ACOX3: variants seen among roughly 807,000 people sequenced by gnomAD.
ACOX3 encodes the protein acyl-CoA oxidase 3, pristanoyl, also known as peroxisomal acyl-coenzyme A oxidase 3.
Under a neutral mutation model 81.5 loss-of-function variants are expected in ACOX3, and 73 were observed. The ratio of observed to expected loss-of-function variants is 0.90; its 90% CI spans 0.74 to 1.09. The LOEUF (loss-of-function observed/expected upper bound fraction) is 1.09. Ranked by LOEUF, ACOX3 falls within the 50% of genes least tolerant of loss-of-function variation. The pLI is 0.00. For synonymous variants in ACOX3, 387 were observed against 375.1 expected, an observed-to-expected ratio of 1.03 and a Z score of -0.37; for missense variants, 947 against 928.0, an observed-to-expected ratio of 1.02 and a Z score of -0.27.
In ACOX3 at chr4:8,392,328, C is replaced by T. The variant is rs1412924417; in HGVS notation, c.1300+5G>A. 1.3e-6 allele frequency: 2 copies of T among 1,553,792 alleles called. No individual in the cohort carries two copies. The highest frequency in any genetic ancestry group is 2.4e-5 in the East Asian group (1 of 42,298). ...GAAACCACCATGCGCTTCTCCAAAACCTACTGGCCAGATAGCCGTGTCCTC... is the reference window on the plus strand; with the variant it reads ...GAAACCACCATGCGCTTCTCCAAAATCTACTGGCCAGATAGCCGTGTCCTC... On this transcript the variant is annotated splice_donor_5th_base_variant and intron_variant, in intron 11 of 17. Coordinates refer to ENST00000356406, the MANE Select transcript of ACOX3 (RefSeq NM_003501.3).
chr4:8,385,658 C>T lies in ACOX3; in HGVS notation c.1537+3515G>A, dbSNP rs1408359258. Among the ~76,000 whole-genome samples, 1 of 152,214 alleles carries T rather than the reference C, an allele frequency of 6.6e-6. No homozygotes were observed. The stretch of plus-strand genomic sequence containing the variant: ...CAGCCTCCCCTACCCAAGTCAGAAT[C>T]GAACCCCTGAAGGACCCGCCATTGG... On this transcript the variant is annotated intron_variant, in intron 13 of 17. Transcript: ENST00000356406. The surrounding 1 kb of genome is among the most constrained non-coding windows in gnomAD (Gnocchi z 5.5).
chr4:8,391,191 C>T (rs570430011), intron 11 of ACOX3, among the ~76,000 whole-genome samples: 1 of 152,096 alleles, frequency 6.6e-6, no homozygotes. Flanking sequence ...AAGGGCATTG[C>T]GCAGAGGACA....
chr4:8,371,053 A>G (rs1716127222), intron 16 of ACOX3, 59 bp from the exon 17 acceptor site: 1 of 1,525,146 alleles, frequency 6.6e-7, no homozygotes, highest in African/African-American at 1.4e-5. Flanking sequence ...TGGTGACCAA[A>G]GCATAACAGC....
chr4:8,432,141 G>A lies in ACOX3; in HGVS notation c.-15+8507C>T, dbSNP rs922782114. Among the ~76,000 whole-genome samples the A allele has an allele frequency of 2.0e-5, 3 of 152,206 alleles. No individual in the cohort carries two copies. The highest frequency in any genetic ancestry group is 4.4e-5 in the Non-Finnish European group (3 of 68,046). On this transcript the variant is annotated intron_variant, in intron 1 of 17. Coordinates refer to ENST00000356406, the MANE Select transcript of ACOX3 (RefSeq NM_003501.3). The surrounding 1 kb of genome is among the most constrained non-coding windows in gnomAD (Gnocchi z 6.2). Reference sequence around the variant, plus strand: ...CATTAAGTGGTAGGCAGCTGAAAACGGTGTTGGGAAAGAGTTGTGGAACAT... The same window carrying A: ...CATTAAGTGGTAGGCAGCTGAAAACAGTGTTGGGAAAGAGTTGTGGAACAT...
At chr4:8,435,459 G>A (rs541475718) in intron 1 of ACOX3, among the ~76,000 whole-genome samples, 8 of 151,852 alleles carry the variant, frequency 5.3e-5, no homozygotes, top group Non-Finnish European at 1.2e-4. Context: ...TTGTGCCACT[G>A]CACTCCAGCC....
intron 13 of ACOX3, among the ~76,000 whole-genome samples, chr4:8,383,931 G>A (rs959480769): frequency 6.6e-6 from 1 of 152,176 alleles, no homozygotes; most frequent in Non-Finnish European, 1.5e-5. Flanking sequence ...CCAAGGAAAC[G>A]GTCCGGCCAG....
rs1003078196 is a variant in ACOX3, at chr4:8,386,980, C to G, written c.1537+2193G>C. Among the ~76,000 whole-genome samples, 5 of 152,226 alleles carry G rather than the reference C, an allele frequency of 3.3e-5. No individual in the cohort carries two copies. Among genetic ancestry groups the G allele is most frequent in the African/African-American group, 1.2e-4 (5 of 41,458 alleles). On this transcript the variant is annotated intron_variant, in intron 13 of 17. Transcript: ENST00000356406. This position sits in a 1 kb window ranked among gnomAD's most constrained non-coding sequence, Gnocchi z 5.2. ...GTGCCTGTCCCCTGCATGAGGGAGG[C>G]CAGTGCTCCCTCCTCCCGAGGATCC...
chr4:8,391,839 G>A (rs971513124), intron 11 of ACOX3, among the ~76,000 whole-genome samples: 6 of 152,226 alleles, frequency 3.9e-5, no homozygotes, highest in Non-Finnish European at 8.8e-5. Flanking sequence ...TATAACAGCT[G>A]CCTCAGTCAT....
At chr4:8,403,647 G>C (rs1720606528) in intron 7 of ACOX3, among the ~76,000 whole-genome samples, 1 of 152,206 alleles carries the variant, frequency 6.6e-6, no homozygotes, top group South Asian at 2.1e-4. Flanking sequence ...CCGTATTTCT[G>C]AGTCTTACAA....
At chr4:8,380,875 C>T (rs947778377) in intron 14 of ACOX3, among the ~76,000 whole-genome samples, 2 of 152,156 alleles carry the variant, frequency 1.3e-5, no homozygotes, top group East Asian at 1.9e-4. Flanking sequence ...ACTGCCCCCA[C>T]CGGCTGCCCC....
chr4:8,398,229 C>T (rs1719937302), intron 8 of ACOX3, among the ~76,000 whole-genome samples: 1 of 152,136 alleles, frequency 6.6e-6, no homozygotes, highest in South Asian at 2.1e-4. Flanking sequence ...TATGATTCCA[C>T]TGTCTTCATG....
Position 8,366,650 on chromosome 4 carries a change from A to C in ACOX3, c.*311T>G. 4.9e-6 allele frequency: 1 copy of C among 203,762 alleles called. No homozygotes were observed. Among genetic ancestry groups the C allele is most frequent in the Non-Finnish European group, 1.0e-5 (1 of 99,222 alleles). The allele number at this position is 203,762 out of a possible 1,614,324, so 12.6% of individuals were successfully genotyped here. ...GACAATGGGCTGTTTACTTTAGAGA[A>C]AGGAGCTGAACCCTGAAAACTGAAT... is the stretch of plus-strand genomic sequence containing the variant. On this transcript the variant is annotated 3_prime_UTR_variant, in exon 18 of 18. Transcript: ENST00000356406.
At chr4:8,440,319 C>G (rs1262961639) in intron 1 of ACOX3, among the ~76,000 whole-genome samples, 2 of 152,198 alleles carry the variant, frequency 1.3e-5, no homozygotes, top group African/African-American at 4.8e-5. Flanking sequence ...GTGGCTTGTC[C>G]TGCTACAGTA....
rs1718032657 is a variant in ACOX3 at position 8,384,241 on chromosome 4, A to G, written c.1538-2634T>C. ...GCACTGTGTTTTTTCCTTACACTCT[A>G]CTTTTGGTTCTTGGTTTTTCGTGAA... On this transcript the variant is annotated intron_variant, in intron 13 of 17. Transcript: ENST00000356406. The surrounding 1 kb of genome is among the most constrained non-coding windows in gnomAD (Gnocchi z 5.3). Among the ~76,000 whole-genome samples, 1 of 151,988 alleles carries G rather than the reference A, an allele frequency of 6.6e-6. No homozygotes were observed.
In ACOX3 at chr4:8,389,583, G is replaced by A. The variant is rs372482219; in HGVS notation, c.1423+29C>T. On this transcript the variant is annotated intron_variant, in intron 12 of 17. Transcript: ENST00000356406. The surrounding 1 kb of genome is among the most constrained non-coding windows in gnomAD (Gnocchi z 5.3). ...ACCCCTGCCCCAGTTGGGTTCCAGC[G>A]CCCCCACCAGTGTGCAGCAGAGCCT... The A allele has an allele frequency of 1.1e-4, 181 of 1,612,604 alleles. No homozygotes were observed. The Admixed American group carries it at 1.8e-3, about 16-fold the overall frequency.
rs373781141 is a variant in ACOX3, at chr4:8,418,596, C to T, written c.-14-2061G>A. The stretch of plus-strand genomic sequence containing the variant: ...CAAAAAATACAGGAAAGGCCAGGCA[C>T]GCTCACACCTGTAATCCCTTTGGGA... On this transcript the variant is annotated intron_variant, in intron 1 of 17. Transcript: ENST00000356406. Among the ~76,000 whole-genome samples the T allele has an allele frequency of 9.9e-5, 15 of 152,206 alleles. No individual in the cohort carries two copies. The South Asian group carries it at 1.2e-3, about 13-fold the overall frequency.
chr4:8,411,625 G>A (rs868520914), intron 5 of ACOX3, among the ~76,000 whole-genome samples: 15 of 152,208 alleles, frequency 9.9e-5, no homozygotes, highest in African/African-American at 3.6e-4. Flanking sequence ...GGCCCAAGCC[G>A]GCTCCTCGGG....
downstream of ACOX3, among the ~76,000 whole-genome samples, chr4:8,364,378 A>C (rs758468475): frequency 3.2e-4 from 48 of 152,230 alleles, no homozygotes; most frequent in Non-Finnish European, 6.3e-4. This position sits in a 1 kb window ranked among gnomAD's most constrained non-coding sequence, Gnocchi z 5.0. Flanking sequence ...ACTGCCAGTA[A>C]AGTGTGCCAG....
Position 8,422,495 on chromosome 4 carries a change from A to C in ACOX3, c.-14-5960T>G, listed in dbSNP as rs969712415. 3.3e-5 allele frequency among the ~76,000 whole-genome samples: 5 copies of C among 152,222 alleles called. 1 individual carries two copies. The highest frequency in any genetic ancestry group is 2.6e-4 in the Admixed American group (4 of 15,280). On this transcript the variant is annotated intron_variant, in intron 1 of 17. Transcript: ENST00000356406. ...ACTTGGCAACCTCGGTTTTTTTCAC[A>C]ATAGAGATCAGGAGGAGCAGGCAGA...
Sources: gnomAD v4.1 joint callset for allele counts (sites outside exome capture counted in the v4.1 genomes callset) on GRCh38, gnomAD v4.1.1 for gene constraint, Gnocchi (gnomAD v3.1) non-coding constraint, MANE v1.5 for transcripts, NCBI Gene and HGNC (gene_info 2026-07-23, HGNC 2026-07-21) for gene names.